Variants in PDE7B observed in about 807,000 individuals in gnomAD.
PDE7B encodes 3',5'-cyclic-AMP phosphodiesterase 7B.
A neutral mutation model predicts 56.2 loss-of-function variants in PDE7B; 29 were observed. The observed-to-expected ratio is 0.52, with a 90% CI of 0.38 to 0.70. The LOEUF (loss-of-function observed/expected upper bound fraction) is 0.70. Ranked by LOEUF, PDE7B falls within the 30% of genes least tolerant of loss-of-function variation. The pLI, the probability that PDE7B is intolerant of heterozygous loss-of-function variation, is 0.00. For missense variants in PDE7B, 490 were observed against 565.0 expected, an observed-to-expected ratio of 0.87 and a Z score of 1.35; for synonymous variants, 197 against 196.9, an observed-to-expected ratio of 1.00 and a Z score of 0.00.
intron 1 of PDE7B, among the ~76,000 whole-genome samples, chr6:135,881,226 G>C (rs924455616): frequency 1.3e-5 from 2 of 152,072 alleles, no homozygotes; most frequent in East Asian, 1.9e-4. Flanking sequence ...GGCCAGGCAC[G>C]GTGGCTCACA....
intron 3 of PDE7B, among the ~76,000 whole-genome samples, chr6:136,124,026 T>G (rs1293444080): frequency 6.6e-6 from 1 of 152,182 alleles, no homozygotes; most frequent in African/African-American, 2.4e-5. Context: ...TTTTTGAACT[T>G]TCTATTGAAC....
chr6:135,878,598 A>G (rs1775545279), intron 1 of PDE7B, among the ~76,000 whole-genome samples: 1 of 152,212 alleles, frequency 6.6e-6, no homozygotes, highest in African/African-American at 2.4e-5. Context: ...TATCTTTGGT[A>G]TAAATTCCTA....
intron 1 of PDE7B, among the ~76,000 whole-genome samples, chr6:135,898,806 A>T (rs1384799720): frequency 1.2e-4 from 19 of 152,162 alleles, no homozygotes. Flanking sequence ...ACAAATTATT[A>T]TTCTTTCCTA....
At position 135,926,133 on chromosome 6, in the gene PDE7B, C is replaced by A. The variant is rs1020453636; in HGVS notation, c.22-21331C>A. On this transcript the variant is annotated intron_variant, in intron 1 of 12. Transcript: ENST00000308191. ...ATGGAGTTTCACTCTGTCGCCCAGGCTGCAGTGCAGTGGCGCAATCTCGGC... is the reference window on the plus strand; with the variant it reads ...ATGGAGTTTCACTCTGTCGCCCAGGATGCAGTGCAGTGGCGCAATCTCGGC... Among the ~76,000 whole-genome samples the A allele has an allele frequency of 3.0e-5, 4 of 131,532 alleles. No individual in the cohort carries two copies. The Admixed American group carries it at 3.6e-4, about 12-fold the overall frequency. 86.3% of individuals were successfully genotyped at this position (131,532 alleles called of 152,430 possible). A position where few individuals can be genotyped will look rare whatever the true frequency, so the allele number is the denominator to read the frequency against.
At position 136,060,994 on chromosome 6, in the gene PDE7B, A is replaced by G. The variant is rs182861263; in HGVS notation, c.83-47737A>G. On this transcript the variant is annotated intron_variant, in intron 2 of 12. Coordinates refer to ENST00000308191, the MANE Select transcript of PDE7B (RefSeq NM_018945.4). ...CCATGCATAGTGACTGTTGTGTAATAGATGCTCAATAATTATTTACTGAAT... is the reference window on the plus strand; with the variant it reads ...CCATGCATAGTGACTGTTGTGTAATGGATGCTCAATAATTATTTACTGAAT... Among the ~76,000 whole-genome samples, 489 of 152,300 alleles carry G rather than the reference A, an allele frequency of 3.2e-3. 1 individual carries two copies. Among genetic ancestry groups the G allele is most frequent in the Non-Finnish European group, 5.1e-3 (348 of 68,032 alleles).
rs1779294901 is a variant in PDE7B at position 136,195,192 on chromosome 6, C to G, written c.*3352C>G. ...GGAAACCCTGACCTACCCATAACTCCCTGCTAGGCTAAGTAGAAACCAGGT... is the reference window on the plus strand; with the variant it reads ...GGAAACCCTGACCTACCCATAACTCGCTGCTAGGCTAAGTAGAAACCAGGT... On this transcript the variant is annotated 3_prime_UTR_variant, in exon 13 of 13. Transcript: ENST00000308191. 1 of 152,114 alleles carries G rather than the reference C, an allele frequency of 6.6e-6. No homozygotes were observed. Among genetic ancestry groups the G allele is most frequent in the Admixed American group, 6.6e-5 (1 of 15,262 alleles). 9.4% of individuals were successfully genotyped at this position (152,114 alleles called of 1,614,324 possible).
intron 2 of PDE7B, among the ~76,000 whole-genome samples, chr6:136,035,581 T>C (rs1319724353): frequency 6.6e-6 from 1 of 152,206 alleles, no homozygotes; most frequent in Non-Finnish European, 1.5e-5. Flanking sequence ...TAATCCCATA[T>C]TGGGGGAACT....
chr6:136,062,670 G>A (rs1355973985), intron 2 of PDE7B, among the ~76,000 whole-genome samples: 1 of 152,176 alleles, frequency 6.6e-6, no homozygotes, highest in Non-Finnish European at 1.5e-5. Context: ...TTACAGGCAC[G>A]AGAAGAGCAG....
Position 136,192,075 on chromosome 6 carries a change from AGCT to A in PDE7B, c.*237_*239del, listed in dbSNP as rs1197334905. ...GAGCAACTCCATTCAGTAACGTGGG[AGCT>A]GATCCCACGGGCAGGCTCTCCCTGC... On this transcript the variant is annotated 3_prime_UTR_variant, in exon 13 of 13. Coordinates refer to ENST00000308191, the MANE Select transcript of PDE7B (RefSeq NM_018945.4). 6 of 541,570 alleles carry A rather than the reference AGCT, an allele frequency of 1.1e-5. No homozygotes were observed. The highest frequency in any genetic ancestry group is 2.0e-5 in the Non-Finnish European group (6 of 299,424). 33.5% of individuals were successfully genotyped at this position (541,570 alleles called of 1,614,324 possible).
intron 8 of PDE7B, chr6:136,162,195 A>G (rs1197477259): frequency 6.6e-6 from 1 of 152,214 alleles, no homozygotes; most frequent in Non-Finnish European, 1.5e-5. Flanking sequence ...CAACGCTGCT[A>G]TAAGGACACA....
intron 2 of PDE7B, among the ~76,000 whole-genome samples, chr6:136,048,249 C>G (rs183513810): frequency 6.6e-6 from 1 of 152,012 alleles, no homozygotes; most frequent in East Asian, 1.9e-4. Flanking sequence ...ATGGGCTGGG[C>G]GCGGTGGCTC....
chr6:136,065,741 G>A (rs538594516), intron 2 of PDE7B, among the ~76,000 whole-genome samples: 94 of 152,180 alleles, frequency 6.2e-4, no homozygotes, highest in African/African-American at 2.0e-3. Flanking sequence ...ATCATGTAAC[G>A]TTTTCATCTA....
chr6:136,006,871 C>T (rs1340711956), intron 2 of PDE7B, among the ~76,000 whole-genome samples: 1 of 152,190 alleles, frequency 6.6e-6, no homozygotes, highest in East Asian at 1.9e-4. Flanking sequence ...GACAGTTTGA[C>T]TTCCTCTTTT....
At chr6:135,868,405 G>A (rs1583718643) in intron 1 of PDE7B, among the ~76,000 whole-genome samples, 2 of 152,134 alleles carry the variant, frequency 1.3e-5, no homozygotes, top group East Asian at 3.9e-4. Flanking sequence ...CAGGATGATG[G>A]TGGAAACATC....
At chr6:136,080,012 C>G (rs1321917903) in intron 2 of PDE7B, among the ~76,000 whole-genome samples, 1 of 152,084 alleles carries the variant, frequency 6.6e-6, no homozygotes, top group Non-Finnish European at 1.5e-5. Context: ...TGGATCCAAA[C>G]CAACCACCCA....
intron 2 of PDE7B, among the ~76,000 whole-genome samples, chr6:136,040,599 AG>A (rs1457172193): frequency 6.6e-5 from 10 of 152,164 alleles, no homozygotes; most frequent in African/African-American, 2.2e-4. Flanking sequence ...GTTTGTTTTT[AG>A]AAAGTGGTGA....
chr6:136,038,365 C>T (rs1184945388), intron 2 of PDE7B: 2 of 1,291,808 alleles, frequency 1.5e-6, no homozygotes, highest in Admixed American at 2.3e-5. Flanking sequence ...GTGTGCTGCC[C>T]TCCTCCCCGG....
At chr6:136,092,087 A>G (rs2128216202) in intron 2 of PDE7B, among the ~76,000 whole-genome samples, 1 of 152,346 alleles carries the variant, frequency 6.6e-6, no homozygotes, top group African/African-American at 2.4e-5. Flanking sequence ...ATTACTTTAT[A>G]TTGCTCACAG....
rs551133099 is a variant in PDE7B at position 136,174,994 on chromosome 6, A to G, written c.803+1106A>G. ...GTAAGGAGAGAGACAAGGAAGAAAG[A>G]AGGAGAAGGAAAGGAAGAATAGTGA... On this transcript the variant is annotated intron_variant, in intron 9 of 12. Coordinates refer to ENST00000308191, the MANE Select transcript of PDE7B (RefSeq NM_018945.4). Among the ~76,000 whole-genome samples, 5 of 152,308 alleles carry G rather than the reference A, an allele frequency of 3.3e-5. No individual in the cohort carries two copies. In the East Asian group the frequency reaches 9.6e-4, roughly 29 times the overall value.
Sources: gnomAD v4.1 joint callset for allele counts (sites outside exome capture counted in the v4.1 genomes callset) on GRCh38, gnomAD v4.1.1 for gene constraint, MANE v1.5 for transcripts, NCBI Gene and HGNC (gene_info 2026-07-23, HGNC 2026-07-21) for gene names.